The following MCCC2 variants were observed in gnomAD, a reference collection of about 807,000 sequenced individuals.
MCCC2 encodes the protein methylcrotonyl-CoA carboxylase subunit 2, also known as methylcrotonoyl-CoA carboxylase beta chain, mitochondrial.
Under a neutral mutation model 77.2 loss-of-function variants are expected in MCCC2, and 52 were observed. The observed-to-expected ratio is 0.67, with a 90% CI of 0.54 to 0.85. MCCC2 has a LOEUF of 0.85. MCCC2 is among the 40% of genes least tolerant of loss of function. The pLI is 0.00. For missense variants in MCCC2, 682 were observed against 703.2 expected (o/e 0.97, Z 0.34); for synonymous variants, 253 against 248.4 (o/e 1.02, Z -0.18).
rs1561835221 is a variant in MCCC2, at chr5:71,618,552, T to TTC, written c.625-8088_625-8087insTC. 7.3e-4 allele frequency among the ~76,000 whole-genome samples: 96 copies of TTC among 131,130 alleles called. 1 individual carries two copies. Among genetic ancestry groups the TTC allele is most frequent in the Non-Finnish European group, 1.2e-3 (70 of 59,088 alleles). The allele number at this position is 131,130 out of a possible 152,430, so 86.0% of individuals were successfully genotyped here. On this transcript the variant is annotated intron_variant, in intron 6 of 16. Coordinates refer to ENST00000340941, the MANE Select transcript of MCCC2 (RefSeq NM_022132.5). ...TCCTTCCTTCCTTCCTTCCTTCCTT[T>TTC]CTTTCTTTCTCTTTCTTTTTGTAGA...
chr5:71,624,513 G>A (rs1352248425), intron 6 of MCCC2, among the ~76,000 whole-genome samples: 8 of 151,530 alleles, frequency 5.3e-5, no homozygotes, highest in Admixed American at 2.0e-4. Context: ...GAGTAGCTGC[G>A]ATTACAGGCA....
chr5:71,610,840 G>T (rs1391485292), intron 6 of MCCC2, among the ~76,000 whole-genome samples: 1 of 152,022 alleles, frequency 6.6e-6, no homozygotes, highest in Non-Finnish European at 1.5e-5. Context: ...CAAAAAATTA[G>T]CTGGGCGTGG....
At chr5:71,590,624 C>T (rs1561815536) in intron 1 of MCCC2, among the ~76,000 whole-genome samples, 1 of 152,026 alleles carries the variant, frequency 6.6e-6, no homozygotes, top group Non-Finnish European at 1.5e-5. Flanking sequence ...CTAGACCAGC[C>T]TGGCCAACAT....
rs1357444598 is a variant in MCCC2, at chr5:71,656,960, T to G, written c.*100T>G. The G allele has an allele frequency of 9.2e-6, 8 of 870,388 alleles. No homozygotes were observed. Among genetic ancestry groups the G allele is most frequent in the Admixed American group, 8.6e-5 (5 of 57,862 alleles). 53.9% of individuals were successfully genotyped at this position (870,388 alleles called of 1,614,324 possible). A position where few individuals can be genotyped will look rare whatever the true frequency, so the allele number is the denominator to read the frequency against. On this transcript the variant is annotated 3_prime_UTR_variant, in exon 17 of 17. Coordinates refer to ENST00000340941, the MANE Select transcript of MCCC2 (RefSeq NM_022132.5). The stretch of plus-strand genomic sequence containing the variant: ...CTCGAACATGAGGCTGTTACAGTAA[T>G]TTTTTTAACACTGTGCATTGTACTT...
intron 13 of MCCC2, among the ~76,000 whole-genome samples, chr5:71,648,417 T>C (rs183216522): frequency 8.5e-5 from 13 of 152,278 alleles, no homozygotes; most frequent in East Asian, 1.9e-4. Context: ...GGATCCTCTA[T>C]TGAAATGGAA....
chr5:71,599,535 A>G (rs941453885), intron 3 of MCCC2, 124 bp from the exon 4 acceptor site: 24 of 758,458 alleles, frequency 3.2e-5, no homozygotes, highest in African/African-American at 3.1e-4. Context: ...TAGATTTTAT[A>G]TACAACATGT....
intron 7 of MCCC2, among the ~76,000 whole-genome samples, chr5:71,627,668 C>A (rs1746577619): frequency 6.6e-6 from 1 of 152,130 alleles, no homozygotes. Context: ...ACATGTTTTA[C>A]ATTTCTACCA....
In MCCC2 at chr5:71,587,401, G is replaced by A. The variant is rs1193050657; in HGVS notation, c.-25G>A. The A allele has an allele frequency of 1.3e-6, 2 of 1,532,270 alleles. No homozygotes were observed. The highest frequency in any genetic ancestry group is 2.4e-5 in the South Asian group (2 of 83,714). 94.9% of individuals were successfully genotyped at this position (1,532,270 alleles called of 1,614,324 possible). ...CACCGGCTCCAGGCCAGCGTGGGCCGCTCTCTCGCTCGGTGCCCGCCGCCA... is the reference window on the plus strand; with the variant it reads ...CACCGGCTCCAGGCCAGCGTGGGCCACTCTCTCGCTCGGTGCCCGCCGCCA... On this transcript the variant is annotated 5_prime_UTR_variant, in exon 1 of 17. Transcript: ENST00000340941.
intron 10 of MCCC2, 90 bp downstream of exon 10, chr5:71,635,336 T>C (rs770437510): frequency 6.2e-6 from 7 of 1,126,430 alleles, no homozygotes; most frequent in East Asian, 2.4e-5. Flanking sequence ...TGTTAAGATA[T>C]GTTCATGCCT....
chr5:71,603,468 G>A (rs1447880028), intron 5 of MCCC2, among the ~76,000 whole-genome samples: 1 of 151,246 alleles, frequency 6.6e-6, no homozygotes, highest in Non-Finnish European at 1.5e-5. Context: ...GGGTTAGTCT[G>A]ATAAAATTCC....
chr5:71,654,860 C>CA (rs1747537365), intron 16 of MCCC2, among the ~76,000 whole-genome samples: 1 of 140,944 alleles, frequency 7.1e-6, no homozygotes, highest in African/African-American at 2.7e-5. Flanking sequence ...TTTTTTGAGA[C>CA]AGAGTTTCTT....
At chr5:71,628,133 T>G (rs1039641989) in intron 7 of MCCC2, among the ~76,000 whole-genome samples, 1 of 152,234 alleles carries the variant, frequency 6.6e-6, no homozygotes, top group Non-Finnish European at 1.5e-5. Context: ...CATGAGCCAC[T>G]GCACCTGGCC....
intron 7 of MCCC2, among the ~76,000 whole-genome samples, chr5:71,631,593 T>C (rs1290225559): frequency 6.0e-5 from 9 of 148,840 alleles, no homozygotes; most frequent in African/African-American, 2.0e-4. Flanking sequence ...CAGGCCGGAC[T>C]GCAGTGGCGC....
At chr5:71,598,860 T>C (rs1745307648) in intron 3 of MCCC2, among the ~76,000 whole-genome samples, 1 of 152,074 alleles carries the variant, frequency 6.6e-6, no homozygotes, top group Non-Finnish European at 1.5e-5. Context: ...CAAGTGATTC[T>C]TCCACCTCAG....
intron 1 of MCCC2, among the ~76,000 whole-genome samples, chr5:71,592,016 C>T (rs1015822800): frequency 2.0e-5 from 3 of 152,182 alleles, no homozygotes; most frequent in African/African-American, 7.2e-5. Context: ...GATGCTCCTG[C>T]CTCCGCCTTC....
intron 2 of MCCC2, among the ~76,000 whole-genome samples, chr5:71,594,830 C>T (rs1745110952): frequency 6.6e-6 from 1 of 151,960 alleles, no homozygotes; most frequent in Non-Finnish European, 1.5e-5. Context: ...AATTCACCAG[C>T]TGCTCCAAAT....
intron 4 of MCCC2, among the ~76,000 whole-genome samples, chr5:71,599,991 C>G (rs1266478178): frequency 6.6e-6 from 1 of 151,922 alleles, no homozygotes; most frequent in Non-Finnish European, 1.5e-5. Context: ...TGTGGTGAAA[C>G]CCTGTCTCTA....
At chr5:71,619,364 C>T (rs1746287364) in intron 6 of MCCC2, among the ~76,000 whole-genome samples, 1 of 152,104 alleles carries the variant, frequency 6.6e-6, no homozygotes, top group Non-Finnish European at 1.5e-5. Context: ...AGTGATCCAC[C>T]TGCCTCAGCC....
intron 2 of MCCC2, among the ~76,000 whole-genome samples, chr5:71,596,002 T>C (rs1366391805): frequency 1.3e-5 from 2 of 152,144 alleles, no homozygotes; most frequent in African/African-American, 4.8e-5. Flanking sequence ...GCAGAGAAAA[T>C]ACTCTGTAAT....
Sources: gnomAD v4.1 joint callset for allele counts (sites outside exome capture counted in the v4.1 genomes callset) on GRCh38, gnomAD v4.1.1 for gene constraint, MANE v1.5 for transcripts, NCBI Gene and HGNC (gene_info 2026-07-23, HGNC 2026-07-21) for gene names.